Variants in BCAT1 observed in about 807,000 individuals in gnomAD.
The protein encoded by BCAT1 is branched chain amino acid transaminase 1, also known as branched-chain-amino-acid aminotransferase, cytosolic.
A neutral mutation model predicts 52.4 loss-of-function variants in BCAT1; 48 were observed. The observed-to-expected ratio is 0.92, with a 90% CI of 0.73 to 1.16. The LOEUF (loss-of-function observed/expected upper bound fraction) is 1.16. BCAT1 is among the 50% of genes most tolerant of loss of function. The pLI, the probability that BCAT1 is intolerant of heterozygous loss-of-function variation, is 0.00. For missense variants in BCAT1, 451 were observed against 457.1 expected (o/e 0.99, Z 0.12); for synonymous variants, 167 against 161.3 (o/e 1.04, Z -0.27).
At chr12:24,859,386 T>C (rs971469594) in intron 5 of BCAT1, among the ~76,000 whole-genome samples, 3 of 152,106 alleles carry the variant, frequency 2.0e-5, no homozygotes, top group Non-Finnish European at 4.4e-5. Context: ...TTTGGGAGGC[T>C]GAGGCGGGTG....
intron 1 of BCAT1, among the ~76,000 whole-genome samples, chr12:24,918,244 T>C (rs1943448150): frequency 1.3e-5 from 2 of 152,170 alleles, no homozygotes; most frequent in East Asian, 1.9e-4. Flanking sequence ...ATCCAGCAAC[T>C]TCAGACACTG....
At chr12:24,896,214 TAA>T (rs1942957317) in intron 2 of BCAT1, among the ~76,000 whole-genome samples, 1 of 152,226 alleles carries the variant, frequency 6.6e-6, no homozygotes, top group Admixed American at 6.5e-5. Flanking sequence ...CTAAGTATAA[TAA>T]GTTTATTTAA....
At chr12:24,946,721 TTTC>T (rs1943937599) in intron 1 of BCAT1, among the ~76,000 whole-genome samples, 1 of 152,214 alleles carries the variant, frequency 6.6e-6, no homozygotes, top group Non-Finnish European at 1.5e-5. Flanking sequence ...CTGCGCTATT[TTTC>T]TTTTTTCAGG....
chr12:24,909,823 C>G (rs1388746751), intron 1 of BCAT1, among the ~76,000 whole-genome samples: 2 of 152,310 alleles, frequency 1.3e-5, no homozygotes, highest in African/African-American at 4.8e-5. Context: ...CTTGGAACTA[C>G]CCCACCTAGA....
At chr12:24,833,549 T>C (rs1940781054) in intron 8 of BCAT1, among the ~76,000 whole-genome samples, 2 of 151,928 alleles carry the variant, frequency 1.3e-5, no homozygotes, top group South Asian at 4.1e-4. Flanking sequence ...AAAATCAGTG[T>C]CTTAAAACCT....
chr12:24,879,394 T>A (rs1942432780), intron 4 of BCAT1, among the ~76,000 whole-genome samples: 1 of 152,090 alleles, frequency 6.6e-6, no homozygotes, highest in African/African-American at 2.4e-5. Context: ...AAAAATTACA[T>A]CTACTAGATG....
intron 6 of BCAT1, among the ~76,000 whole-genome samples, chr12:24,844,904 A>AAAAAAAAAAAAAAAAAAAAAAC (rs1941296335): frequency 7.3e-6 from 1 of 137,322 alleles, no homozygotes; most frequent in African/African-American, 2.7e-5. Context: ...CAAAAAAAAA[A>AAAAAAAAAAAAAAAAAAAAAAC]AAAAAAAAAA....
At chr12:24,911,906 T>G (rs1943334313) in intron 1 of BCAT1, among the ~76,000 whole-genome samples, 1 of 152,216 alleles carries the variant, frequency 6.6e-6, no homozygotes, top group Non-Finnish European at 1.5e-5. Context: ...TAATTTTGCG[T>G]TTTACAGAAA....
intron 6 of BCAT1, among the ~76,000 whole-genome samples, chr12:24,845,218 GCA>G (rs1941308345): frequency 8.3e-6 from 1 of 120,524 alleles, no homozygotes; most frequent in African/African-American, 3.0e-5. Context: ...TCCCCTCCCA[GCA>G]AAAAAAAAAA....
intron 10 of BCAT1, among the ~76,000 whole-genome samples, chr12:24,823,069 T>A (rs1211873914): frequency 6.6e-6 from 1 of 152,044 alleles, no homozygotes; most frequent in African/African-American, 2.4e-5. Flanking sequence ...GACTTCTTTT[T>A]TTTTCAGATG....
intron 2 of BCAT1, among the ~76,000 whole-genome samples, chr12:24,897,074 G>A (rs184332838): frequency 4.3e-4 from 65 of 152,296 alleles, no homozygotes; most frequent in Admixed American, 4.1e-3. Context: ...AGGACCCTGG[G>A]CTAAGAAACA....
chr12:24,811,268 T>A lies in BCAT1; in HGVS notation c.*6740A>T, dbSNP rs949697228. 7 of 152,180 alleles carry A rather than the reference T, an allele frequency of 4.6e-5. No homozygotes were observed. Among genetic ancestry groups the A allele is most frequent in the Non-Finnish European group, 1.0e-4 (7 of 68,026 alleles). 9.4% of individuals were successfully genotyped at this position (152,180 alleles called of 1,614,324 possible). A position where few individuals can be genotyped will look rare whatever the true frequency, so the allele number is the denominator to read the frequency against. On this transcript the variant is annotated 3_prime_UTR_variant, in exon 11 of 11. Coordinates refer to ENST00000261192, the MANE Select transcript of BCAT1 (RefSeq NM_005504.7). Reference sequence around the variant, plus strand: ...GTAAAAATACTATCCTACATTTACTTCCCTTGACCAGAAACCTTGAGACAT... The same window carrying A: ...GTAAAAATACTATCCTACATTTACTACCCTTGACCAGAAACCTTGAGACAT...
At chr12:24,842,761 T>C (rs912276786) in intron 6 of BCAT1, among the ~76,000 whole-genome samples, 1 of 152,122 alleles carries the variant, frequency 6.6e-6, no homozygotes, top group Non-Finnish European at 1.5e-5. Context: ...CCCTAAAAGA[T>C]AGGACAAATG....
At chr12:24,824,692 A>C (rs1309994606) in intron 10 of BCAT1, among the ~76,000 whole-genome samples, 2 of 152,166 alleles carry the variant, frequency 1.3e-5, no homozygotes. Context: ...GTTTAAGAAA[A>C]TACTGTATAA....
chr12:24,938,378 A>C (rs1943798127), intron 1 of BCAT1, among the ~76,000 whole-genome samples: 1 of 152,148 alleles, frequency 6.6e-6, no homozygotes, highest in Non-Finnish European at 1.5e-5. Context: ...GTAGTGCGGT[A>C]ATATTGGTTG....
chr12:24,901,984 C>T (rs1416156405), intron 1 of BCAT1, 99 bp from the exon 2 acceptor site: 3 of 1,604,846 alleles, frequency 1.9e-6, no homozygotes, highest in Middle Eastern at 1.8e-4. Context: ...GCGCTCCTCT[C>T]CAGGACCCAG....
chr12:24,818,097 C>A (rs1262399993), intron 10 of BCAT1, 48 bp from the exon 11 acceptor site: 2 of 1,592,172 alleles, frequency 1.3e-6, no homozygotes, highest in Non-Finnish European at 1.7e-6. Flanking sequence ...GCTAACAGGG[C>A]AGAAATAGCT....
Position 24,813,090 on chromosome 12 carries a change from A to C in BCAT1, c.*4918T>G, listed in dbSNP as rs932179803. ...ACCCCCATTTCAATTTTTAAGACTG[A>C]TTTCATGCCTTTATCATTTTGAAGC... On this transcript the variant is annotated 3_prime_UTR_variant, in exon 11 of 11. Coordinates refer to ENST00000261192, the MANE Select transcript of BCAT1 (RefSeq NM_005504.7). The C allele has an allele frequency of 6.6e-6, 1 of 151,862 alleles. No homozygotes were observed. The highest frequency in any genetic ancestry group is 2.1e-4 in the South Asian group (1 of 4,818). 9.4% of individuals were successfully genotyped at this position (151,862 alleles called of 1,614,324 possible).
chr12:24,843,989 G>T (rs1310458105), intron 6 of BCAT1, among the ~76,000 whole-genome samples: 1 of 152,162 alleles, frequency 6.6e-6, no homozygotes, highest in Non-Finnish European at 1.5e-5. Context: ...AAGTGGGAGA[G>T]CCCTAGGCCA....
Sources: gnomAD v4.1 joint callset for allele counts (sites outside exome capture counted in the v4.1 genomes callset) on GRCh38, gnomAD v4.1.1 for gene constraint, MANE v1.5 for transcripts, NCBI Gene and HGNC (gene_info 2026-07-23, HGNC 2026-07-21) for gene names.